The following SDC2 variants were observed in gnomAD, a reference collection of about 807,000 sequenced individuals.
SDC2 encodes the protein syndecan 2, also known as syndecan-2.
SDC2 carries 13 observed loss-of-function variants against 22.2 expected under a neutral mutation model. That is an observed-to-expected ratio of 0.59 (90% CI 0.38 to 0.93). The LOEUF (loss-of-function observed/expected upper bound fraction) is 0.93, where lower values mean the gene tolerates loss of function less well. Among genes scored for constraint, SDC2 ranks in the 40% least tolerant of loss-of-function variants. SDC2 has a pLI of 0.00. For synonymous variants in SDC2, 94 were observed against 92.8 expected, an observed-to-expected ratio of 1.01 and a Z score of -0.07; for missense variants, 235 against 246.8, an observed-to-expected ratio of 0.95 and a Z score of 0.32.
At chr8:96,575,434 T>G (rs1287973862) in intron 1 of SDC2, among the ~76,000 whole-genome samples, 1 of 152,190 alleles carries the variant, frequency 6.6e-6, no homozygotes, top group Non-Finnish European at 1.5e-5. Flanking sequence ...ACTCTCTTTA[T>G]GTTTGTTTTA....
chr8:96,579,138 A>G (rs1814551905), intron 1 of SDC2, among the ~76,000 whole-genome samples: 1 of 152,236 alleles, frequency 6.6e-6, no homozygotes, highest in Non-Finnish European at 1.5e-5. Flanking sequence ...TGCCACGCTG[A>G]CAATAAAGCA....
intron 1 of SDC2, among the ~76,000 whole-genome samples, chr8:96,581,556 T>C (rs1814590209): frequency 1.3e-5 from 2 of 151,678 alleles, no homozygotes; most frequent in Admixed American, 1.3e-4. Context: ...CTCTTGAACC[T>C]GGGAGGCAGA....
intron 1 of SDC2, among the ~76,000 whole-genome samples, chr8:96,531,593 G>A (rs1262307422): frequency 6.6e-6 from 1 of 152,120 alleles, no homozygotes; most frequent in East Asian, 1.9e-4. Flanking sequence ...AAAAATAAAA[G>A]AGAGAAAAGT....
chr8:96,563,336 T>C lies in SDC2; in HGVS notation c.61-30144T>C, dbSNP rs568691621. ...GAGTGCGGGCTTCCTAGGCTAGCAC[T>C]CAGTGTCTTGAATTTCCTGGCTTTT... On this transcript the variant is annotated intron_variant, in intron 1 of 4. Coordinates refer to ENST00000302190, the MANE Select transcript of SDC2 (RefSeq NM_002998.4). Among the ~76,000 whole-genome samples the C allele has an allele frequency of 4.5e-4, 68 of 152,302 alleles. 1 individual carries two copies. Among genetic ancestry groups the C allele is most frequent in the African/African-American group, 1.5e-3 (62 of 41,570 alleles).
intron 1 of SDC2, among the ~76,000 whole-genome samples, chr8:96,499,029 C>A (rs1170640815): frequency 2.0e-5 from 3 of 152,138 alleles, no homozygotes; most frequent in Non-Finnish European, 4.4e-5. Flanking sequence ...AGTCTGTATG[C>A]CTCTGCTGGA....
chr8:96,545,211 C>T lies in SDC2; in HGVS notation c.61-48269C>T, dbSNP rs77961913. Among the ~76,000 whole-genome samples the T allele has an allele frequency of 4.9e-3, 746 of 152,244 alleles. 13 individuals are homozygous for T. In the East Asian group the frequency reaches 0.068, roughly 14 times the overall value. ...ATATTTTAGAGGGTTTTTAGAAAGT[C>T]GAAATTCAGTGGATAAGACTTTTGA... On this transcript the variant is annotated intron_variant, in intron 1 of 4. Coordinates refer to ENST00000302190, the MANE Select transcript of SDC2 (RefSeq NM_002998.4).
chr8:96,611,685 G>C lies in SDC2; in HGVS notation c.*2137G>C, dbSNP rs189955513. The C allele has an allele frequency of 6.5e-6, 1 of 152,718 alleles. No homozygotes were observed. The highest frequency in any genetic ancestry group is 1.9e-4 in the East Asian group (1 of 5,184). The allele number at this position is 152,718 out of a possible 1,614,324, so 9.5% of individuals were successfully genotyped here. The stretch of plus-strand genomic sequence containing the variant: ...GCTGGGAATATCCGTGCCAGGAAAA[G>C]AAAAATTTCTGGCAAATATTTTGTC... On this transcript the variant is annotated 3_prime_UTR_variant, in exon 5 of 5. Coordinates refer to ENST00000302190, the MANE Select transcript of SDC2 (RefSeq NM_002998.4).
chr8:96,586,377 A>G (rs1011855368), intron 1 of SDC2: 1 of 152,220 alleles, frequency 6.6e-6, no homozygotes, highest in Non-Finnish European at 1.5e-5. Context: ...TTTACCATAT[A>G]TTGGTTCCTA....
intron 1 of SDC2, among the ~76,000 whole-genome samples, chr8:96,508,717 A>T (rs966557122): frequency 7.1e-6 from 1 of 141,782 alleles, no homozygotes; most frequent in Non-Finnish European, 1.6e-5. Flanking sequence ...AGGCGGTATT[A>T]CTTGCCAAGG....
intron 1 of SDC2, among the ~76,000 whole-genome samples, chr8:96,582,481 T>C (rs1477070135): frequency 2.0e-5 from 3 of 152,246 alleles, no homozygotes; most frequent in Non-Finnish European, 4.4e-5. Context: ...TTTCTTGCTT[T>C]TGTTTAGATT....
intron 1 of SDC2, among the ~76,000 whole-genome samples, chr8:96,552,989 C>A (rs1424935380): frequency 6.6e-6 from 1 of 152,064 alleles, no homozygotes; most frequent in Non-Finnish European, 1.5e-5. Flanking sequence ...TGTTTTATAA[C>A]CAGACTGATG....
intron 1 of SDC2, among the ~76,000 whole-genome samples, chr8:96,548,064 T>C (rs2130530023): frequency 6.6e-6 from 1 of 152,350 alleles, no homozygotes; most frequent in African/African-American, 2.4e-5. Flanking sequence ...CGCCAAGTCC[T>C]TGATTGATTT....
At chr8:96,500,770 T>C (rs113381007) in intron 1 of SDC2, among the ~76,000 whole-genome samples, 193 of 152,292 alleles carry the variant, frequency 1.3e-3, no homozygotes, top group African/African-American at 4.4e-3. Flanking sequence ...TAAGTCTGTT[T>C]CTAGGCAGCA....
intron 1 of SDC2, among the ~76,000 whole-genome samples, chr8:96,577,466 A>G (rs1464201701): frequency 6.6e-6 from 1 of 152,128 alleles, no homozygotes; most frequent in African/African-American, 2.4e-5. Context: ...CAGATAGAAC[A>G]TTGTGTTCCA....
chr8:96,564,967 C>T (rs1814271825), intron 1 of SDC2, among the ~76,000 whole-genome samples: 1 of 151,818 alleles, frequency 6.6e-6, no homozygotes, highest in Non-Finnish European at 1.5e-5. Flanking sequence ...AATGGGATAT[C>T]CCTTTCTGCC....
intron 1 of SDC2, among the ~76,000 whole-genome samples, chr8:96,560,729 C>T (rs200199938): frequency 7.2e-6 from 1 of 138,282 alleles, no homozygotes; most frequent in Non-Finnish European, 1.6e-5. Flanking sequence ...CTTGATTTTC[C>T]AAAAAAAAAA....
chr8:96,548,898 C>A (rs2130532134), intron 1 of SDC2, among the ~76,000 whole-genome samples: 1 of 152,312 alleles, frequency 6.6e-6, no homozygotes, highest in Admixed American at 6.5e-5. Flanking sequence ...AAAGCTTTGA[C>A]CCCAATTCCG....
In SDC2 at chr8:96,593,563, C is replaced by T. The variant is rs137986371; in HGVS notation, c.144C>T (p.Asp48=). The T allele has an allele frequency of 2.7e-5, 43 of 1,613,430 alleles. No individual in the cohort carries two copies. Among genetic ancestry groups the T allele is most frequent in the South Asian group, 1.1e-4 (10 of 91,074 alleles). Residue 48 remains aspartate (D), a synonymous_variant, in exon 2 of 5, where the codon GAC becomes GAT. Coordinates refer to ENST00000302190, the MANE Select transcript of SDC2 (RefSeq NM_002998.4). ...CTTCAGGAGTGTATCCTATTGATGA[C>T]GATGACTACGCTTCTGCGTCTGGCT... is the stretch of plus-strand genomic sequence containing the variant. ...EEASGVYPID[D]DDYASASGSG... is the part of the protein sequence containing the mutation.
intron 1 of SDC2, among the ~76,000 whole-genome samples, chr8:96,532,450 T>G (rs1813679802): frequency 7.7e-6 from 1 of 129,464 alleles, no homozygotes; most frequent in Non-Finnish European, 1.7e-5. Context: ...GGGCTTTGTT[T>G]GGGAAAAAAA....
Sources: allele counts gnomAD v4.1 joint callset (sites outside exome capture counted in the v4.1 genomes callset), GRCh38; gene constraint gnomAD v4.1.1; transcripts MANE v1.5; gene names NCBI Gene and HGNC (gene_info 2026-07-23, HGNC 2026-07-21).